Variants in KHDRBS2 observed in about 807,000 individuals in gnomAD.
The protein encoded by KHDRBS2 is KH RNA binding domain containing, signal transduction associated 2.
In KHDRBS2, 26 loss-of-function variants were observed where a neutral mutation model predicts 44.3. The observed-to-expected ratio is 0.59, with a 90% CI of 0.43 to 0.81. KHDRBS2 has a LOEUF of 0.81. KHDRBS2 is among the 40% of genes least tolerant of loss of function. The pLI, the probability that KHDRBS2 is intolerant of heterozygous loss-of-function variation, is 0.00. For missense variants in KHDRBS2, 476 were observed against 433.1 expected (o/e 1.10, Z -0.88); for synonymous variants, 194 against 151.1 (o/e 1.28, Z -2.08).
chr6:61,721,372 T>A (rs1413174786), intron 7 of KHDRBS2, among the ~76,000 whole-genome samples: 1 of 152,040 alleles, frequency 6.6e-6, no homozygotes, highest in Admixed American at 6.6e-5. Flanking sequence ...CCTCGGGCAG[T>A]ATGGCCATTT....
intron 2 of KHDRBS2, among the ~76,000 whole-genome samples, chr6:62,063,370 A>G (rs1792569867): frequency 6.6e-6 from 1 of 151,602 alleles, no homozygotes; most frequent in Admixed American, 6.6e-5. Flanking sequence ...CATTGATGCA[A>G]AAATCCTCAA....
chr6:61,962,503 T>A (rs1175942895), intron 4 of KHDRBS2, among the ~76,000 whole-genome samples: 1 of 151,632 alleles, frequency 6.6e-6, no homozygotes, highest in Non-Finnish European at 1.5e-5. Flanking sequence ...TGCAAAGTTA[T>A]TTTTTTTAAT....
At position 61,894,730 on chromosome 6, in the gene KHDRBS2, C is replaced by T. The variant is rs776357295; in HGVS notation, c.715G>A (p.Ala239Thr). 32 of 1,613,524 alleles carry T rather than the reference C, an allele frequency of 2.0e-5. No individual in the cohort carries two copies. Among genetic ancestry groups the T allele is most frequent in the African/African-American group, 4.0e-5 (3 of 74,904 alleles). Residue 239 changes from alanine to threonine, a missense_variant, in exon 6 of 9, where the codon GCA (alanine) becomes ACA (threonine). Transcript: ENST00000281156. ...TRGALPVPPVARGVPTPRARG... is the reference protein window; with the variant it reads ...TRGALPVPPVTRGVPTPRARG... ...GCTCGAGGGGTAGGGACACCTCTTG[C>T]TACAGGTGGCACTGGAAGCGCTCCA...
At chr6:61,681,770 T>C (rs979204742) in intron 8 of KHDRBS2, among the ~76,000 whole-genome samples, 3 of 151,916 alleles carry the variant, frequency 2.0e-5, no homozygotes, top group Non-Finnish European at 4.4e-5. Flanking sequence ...AGTAGAAATC[T>C]ATTATTCCAA....
chr6:62,260,616 A>C (rs1255877238), intron 1 of KHDRBS2, among the ~76,000 whole-genome samples: 1 of 152,006 alleles, frequency 6.6e-6, no homozygotes, highest in Non-Finnish European at 1.5e-5. Context: ...AGAAAACTTC[A>C]TTAATCTTGC....
chr6:61,852,613 C>T (rs1450486282), intron 6 of KHDRBS2, among the ~76,000 whole-genome samples: 2 of 151,764 alleles, frequency 1.3e-5, no homozygotes, highest in Admixed American at 6.6e-5. Flanking sequence ...TGCTAATACC[C>T]ACTGTGATTA....
At chr6:62,253,677 A>G (rs1378166867) in intron 1 of KHDRBS2, among the ~76,000 whole-genome samples, 1 of 152,012 alleles carries the variant, frequency 6.6e-6, no homozygotes, top group East Asian at 1.9e-4. Flanking sequence ...TATTTGCAAT[A>G]TATTTGTAAT....
chr6:62,222,999 G>A (rs1446840397), intron 1 of KHDRBS2, among the ~76,000 whole-genome samples: 5 of 152,144 alleles, frequency 3.3e-5, no homozygotes, highest in Admixed American at 2.6e-4. Flanking sequence ...GGGGTCTGGA[G>A]GACAGTGACC....
At chr6:62,281,808 C>T (rs545178015) in intron 1 of KHDRBS2, among the ~76,000 whole-genome samples, 3 of 152,174 alleles carry the variant, frequency 2.0e-5, no homozygotes, top group East Asian at 3.9e-4. Context: ...AAAAAAATGA[C>T]ACATCCTTTA....
At chr6:61,919,166 A>T (rs369685127) in intron 4 of KHDRBS2, among the ~76,000 whole-genome samples, 83 of 152,092 alleles carry the variant, frequency 5.5e-4, no homozygotes, top group African/African-American at 1.9e-3. Context: ...ACTGTATGAA[A>T]TTAGAAAGGA....
intron 6 of KHDRBS2, among the ~76,000 whole-genome samples, chr6:61,839,321 C>T (rs2127270016): frequency 6.6e-6 from 1 of 151,826 alleles, no homozygotes; most frequent in East Asian, 1.9e-4. Flanking sequence ...ATGACTGTTT[C>T]TATTACTTTC....
chr6:62,026,699 T>G (rs991370530), intron 3 of KHDRBS2, among the ~76,000 whole-genome samples: 1 of 151,956 alleles, frequency 6.6e-6, no homozygotes, highest in Non-Finnish European at 1.5e-5. Context: ...GATTAAGGTG[T>G]GAGCCCCCAA....
chr6:61,790,744 C>T (rs1784516534), intron 6 of KHDRBS2, among the ~76,000 whole-genome samples: 1 of 151,480 alleles, frequency 6.6e-6, no homozygotes, highest in Non-Finnish European at 1.5e-5. Flanking sequence ...TGCACTGCTC[C>T]TCAGGTTTTG....
At chr6:62,017,494 T>C (rs1781421450) in intron 3 of KHDRBS2, among the ~76,000 whole-genome samples, 1 of 152,128 alleles carries the variant, frequency 6.6e-6, no homozygotes, top group Non-Finnish European at 1.5e-5. Context: ...CCATTTATTG[T>C]CTTTGAACTG....
In KHDRBS2 at chr6:61,983,805, G is replaced by A. The variant is rs1185824336; in HGVS notation, c.337-5593C>T. ...TTTGATTATCATTGATTAAAAATGA[G>A]GTGTACTGTAAAGACAAGGTTTATG... On this transcript the variant is annotated intron_variant, in intron 3 of 8. Coordinates refer to ENST00000281156, the MANE Select transcript of KHDRBS2 (RefSeq NM_152688.4). Among the ~76,000 whole-genome samples, 3 of 152,030 alleles carry A rather than the reference G, an allele frequency of 2.0e-5. No individual in the cohort carries two copies. In the East Asian group the frequency reaches 5.8e-4, roughly 29 times the overall value.
chr6:61,549,550 A>C, the KHDRBS2 span, among the ~76,000 whole-genome samples: 1 of 152,194 alleles, frequency 6.6e-6, no homozygotes, highest in Non-Finnish European at 1.5e-5. Context: ...AGTTAGCTCT[A>C]ATAACAGTAG....
At chr6:61,897,266 G>A (rs751587208) in intron 5 of KHDRBS2, among the ~76,000 whole-genome samples, 33 of 152,018 alleles carry the variant, frequency 2.2e-4, no homozygotes, top group Non-Finnish European at 4.4e-4. Context: ...CCAAAATACA[G>A]GCCAATTTGG....
At chr6:62,188,722 T>A (rs1235631484) in intron 1 of KHDRBS2, among the ~76,000 whole-genome samples, 2 of 152,144 alleles carry the variant, frequency 1.3e-5, no homozygotes, top group African/African-American at 2.4e-5. Context: ...ATGTGTTTAG[T>A]GTGGCATGAA....
At chr6:62,054,044 G>A (rs13193603) in intron 2 of KHDRBS2, among the ~76,000 whole-genome samples, 1 of 151,992 alleles carries the variant, frequency 6.6e-6, no homozygotes, top group Non-Finnish European at 1.5e-5. Flanking sequence ...ACATTTTGTT[G>A]AGAGATATAT....
Sources: gnomAD v4.1 joint callset for allele counts (sites outside exome capture counted in the v4.1 genomes callset) on GRCh38, gnomAD v4.1.1 for gene constraint, MANE v1.5 for transcripts, NCBI Gene and HGNC (gene_info 2026-07-23, HGNC 2026-07-21) for gene names.